WNT6: variants seen among roughly 807,000 people sequenced by gnomAD.
WNT6 encodes Wnt family member 6.
WNT6 carries 27 observed loss-of-function variants against 33.1 expected under a neutral mutation model. That is an observed-to-expected ratio of 0.82 (90% CI 0.60 to 1.12). WNT6 has a LOEUF of 1.12. Among genes scored for constraint, WNT6 ranks in the 50% most tolerant of loss-of-function variants. WNT6 has a pLI of 0.00. For synonymous variants in WNT6, 249 were observed against 242.8 expected (o/e 1.03, Z -0.24); for missense variants, 494 against 535.3 (o/e 0.92, Z 0.76).
At chr2:218,869,087 T>A (rs1441772303) in intron 1 of WNT6, among the ~76,000 whole-genome samples, 1 of 151,788 alleles carries the variant, frequency 6.6e-6, no homozygotes, top group African/African-American at 2.4e-5. Flanking sequence ...TGGGAAAGGG[T>A]GGGGGCCAGT....
chr2:218,861,782 C>T (rs892550354), intron 1 of WNT6, among the ~76,000 whole-genome samples: 10 of 152,176 alleles, frequency 6.6e-5, no homozygotes, highest in African/African-American at 2.4e-4. Context: ...CCATTTCCTC[C>T]CTGAAGCTGC....
At chr2:218,864,551 G>A (rs1019759158) in intron 1 of WNT6, among the ~76,000 whole-genome samples, 5 of 152,180 alleles carry the variant, frequency 3.3e-5, no homozygotes, top group African/African-American at 1.2e-4. Context: ...ACAGGCGTGA[G>A]CCACCGCGCC....
Position 218,860,008 on chromosome 2 carries a change from G to C in WNT6, c.-30G>C, listed in dbSNP as rs1435075339. On this transcript the variant is annotated 5_prime_UTR_variant, in exon 1 of 4. Coordinates refer to ENST00000233948, the MANE Select transcript of WNT6 (RefSeq NM_006522.4). ...GGTTCGCCCCGCAGCCTCGCCCCCT[G>C]CCCACCCGGGCGGCCGTAGGGCGGT... The C allele has an allele frequency of 2.1e-5, 30 of 1,423,846 alleles. No homozygotes were observed. The highest frequency in any genetic ancestry group is 2.7e-5 in the Non-Finnish European group (29 of 1,086,056). 88.2% of individuals were successfully genotyped at this position (1,423,846 alleles called of 1,614,324 possible). A position where few individuals can be genotyped will look rare whatever the true frequency, so the allele number is the denominator to read the frequency against.
rs1944431277 is a variant in WNT6 at position 218,873,936 on chromosome 2, C to G, written c.*91C>G. On this transcript the variant is annotated 3_prime_UTR_variant, in exon 4 of 4. Transcript: ENST00000233948. The surrounding 1 kb of genome is among the most constrained non-coding windows in gnomAD (Gnocchi z 6.1). ...CCGGCACCGGGCGCCTCTCGCCGCT[C>G]GAGCCCAGCCTCTCCCTGCCAAAGC... 4 of 1,272,664 alleles carry G rather than the reference C, an allele frequency of 3.1e-6. No homozygotes were observed. In the African/African-American group the frequency reaches 4.8e-5, roughly 15 times the overall value. The allele number at this position is 1,272,664 out of a possible 1,614,324, so 78.8% of individuals were successfully genotyped here. A position where few individuals can be genotyped will look rare whatever the true frequency, so the allele number is the denominator to read the frequency against.
At chr2:218,869,087 T>C (rs1441772303) in intron 1 of WNT6, among the ~76,000 whole-genome samples, 1 of 151,788 alleles carries the variant, frequency 6.6e-6, no homozygotes, top group Non-Finnish European at 1.5e-5. Context: ...TGGGAAAGGG[T>C]GGGGGCCAGT....
At chr2:218,872,207 G>A (rs548936563) in intron 3 of WNT6, among the ~76,000 whole-genome samples, 1 of 152,150 alleles carries the variant, frequency 6.6e-6, no homozygotes, top group Non-Finnish European at 1.5e-5. Flanking sequence ...AGGGGCAGGA[G>A]AATAAAACAA....
Position 218,871,471 on chromosome 2 carries a change from G to A in WNT6, c.302-14G>A. ...GCCCCAGCCCGCGCTGATTGCACCTGTCTGCATTCACAGACATTCGGGAGA... is the reference window on the plus strand; with the variant it reads ...GCCCCAGCCCGCGCTGATTGCACCTATCTGCATTCACAGACATTCGGGAGA... On this transcript the variant is annotated splice_polypyrimidine_tract_variant and intron_variant, in intron 2 of 3. Coordinates refer to ENST00000233948, the MANE Select transcript of WNT6 (RefSeq NM_006522.4). The surrounding 1 kb of genome is among the most constrained non-coding windows in gnomAD (Gnocchi z 6.4). 6.3e-7 allele frequency: 1 copy of A among 1,596,546 alleles called. No homozygotes were observed. Among genetic ancestry groups the A allele is most frequent in the Non-Finnish European group, 8.5e-7 (1 of 1,178,836 alleles).
At position 218,873,410 on chromosome 2, in the gene WNT6, G is replaced by A. The variant is rs1402298579; in HGVS notation, c.663G>A (p.Glu221=). ...CCGTGCGGAGCCACACGCGCACCGA[G>A]TGCAAATGCCACGGGCTGTCGGGAT... The part of the protein sequence containing the change: ...RLAVRSHTRT[E]CKCHGLSGSC... Residue 221 remains glutamate (E), a synonymous_variant, in exon 4 of 4, where the codon GAG becomes GAA. Transcript: ENST00000233948. This position sits in a 1 kb window ranked among gnomAD's most constrained non-coding sequence, Gnocchi z 6.1. 6 of 1,536,972 alleles carry A rather than the reference G, an allele frequency of 3.9e-6. No individual in the cohort carries two copies. The highest frequency in any genetic ancestry group is 1.4e-5 in the African/African-American group (1 of 72,982).
At chr2:218,864,177 T>C (rs569169879) in intron 1 of WNT6, among the ~76,000 whole-genome samples, 1 of 152,354 alleles carries the variant, frequency 6.6e-6, no homozygotes, top group South Asian at 2.1e-4. Context: ...AATCGGTGGA[T>C]GTAGTAAAGA....
At position 218,860,099 on chromosome 2, in the gene WNT6, A is replaced by G; in HGVS notation, c.62A>G (p.His21Arg). 6.6e-7 allele frequency: 1 copy of G among 1,525,410 alleles called. No individual in the cohort carries two copies. The highest frequency in any genetic ancestry group is 1.2e-5 in the South Asian group (1 of 82,344). The allele number at this position is 1,525,410 out of a possible 1,614,324, so 94.5% of individuals were successfully genotyped here. The change falls in exon 1 of 4, where the codon CAC becomes CGC. Residue 21 changes from histidine to arginine, a missense_variant. Coordinates refer to ENST00000233948, the MANE Select transcript of WNT6 (RefSeq NM_006522.4). ...CTGCTGCTGCTCCTGTGCCCGGCGC[A>G]CGTCGGCGGACTGTGGTGGTGAGTC... Reference protein sequence around the residue: ...LLLLLLLCPAHVGGLWWAVGS... With the variant: ...LLLLLLLCPARVGGLWWAVGS...
chr2:218,868,255 C>T (rs1575224484), intron 1 of WNT6, among the ~76,000 whole-genome samples: 1 of 152,308 alleles, frequency 6.6e-6, no homozygotes, highest in East Asian at 1.9e-4. Flanking sequence ...CCTCCATACT[C>T]CTCGTGATTC....
At chr2:218,872,906 T>A (rs1224468111) in intron 3 of WNT6, among the ~76,000 whole-genome samples, 1 of 152,064 alleles carries the variant, frequency 6.6e-6, no homozygotes, top group Non-Finnish European at 1.5e-5. Context: ...CCCACATACC[T>A]GCCGAGAGGG....
intron 1 of WNT6, among the ~76,000 whole-genome samples, chr2:218,862,376 C>T (rs895117643): frequency 3.3e-5 from 5 of 152,098 alleles, no homozygotes; most frequent in African/African-American, 7.2e-5. Context: ...AGCAGAGTCT[C>T]GTTCTGTCGC....
Position 218,871,209 on chromosome 2 carries a change from C to T in WNT6, c.263C>T (p.Ser88Phe). 1 of 1,613,488 alleles carries T rather than the reference C, an allele frequency of 6.2e-7. No homozygotes were observed. Among genetic ancestry groups the T allele is most frequent in the Non-Finnish European group, 8.5e-7 (1 of 1,179,790 alleles). Reference sequence around the variant, plus strand: ...TTCCGCTTCCGCCGCTGGAATTGCTCCAGCCACAGCAAGGCCTTTGGACGC... The same window carrying T: ...TTCCGCTTCCGCCGCTGGAATTGCTTCAGCCACAGCAAGGCCTTTGGACGC... ...FQFRFRRWNC[S>F]SHSKAFGRIL... The change falls in exon 2 of 4, where the codon TCC becomes TTC. Residue 88 changes from serine (S) to phenylalanine (F), a missense_variant. Ser to Phe is a radical substitution (Grantham distance 155). Transcript: ENST00000233948. The surrounding 1 kb of genome is among the most constrained non-coding windows in gnomAD (Gnocchi z 6.4).
At chr2:218,866,050 GA>G (rs2106003388) in intron 1 of WNT6, among the ~76,000 whole-genome samples, 1 of 145,682 alleles carries the variant, frequency 6.9e-6, no homozygotes, top group Non-Finnish European at 1.5e-5. Context: ...GAGTTAGACA[GA>G]GCAGGACAGG....
Position 218,871,036 on chromosome 2 carries a change from C to A in WNT6, c.90C>A (p.Gly30=), listed in dbSNP as rs745395502. The A allele has an allele frequency of 2.5e-6, 4 of 1,606,896 alleles. No individual in the cohort carries two copies. Among genetic ancestry groups the A allele is most frequent in the Non-Finnish European group, 3.4e-6 (4 of 1,174,886 alleles). The change falls in exon 2 of 4, where the codon GGC becomes GGA. Residue 30 remains glycine, a synonymous_variant. Coordinates refer to ENST00000233948, the MANE Select transcript of WNT6 (RefSeq NM_006522.4). The surrounding 1 kb of genome is among the most constrained non-coding windows in gnomAD (Gnocchi z 6.4). ...ATTCTCTGCTTTCCAGGGCTGTGGG[C>A]AGCCCCTTGGTTATGGACCCTACCA... ...AHVGGLWWAV[G]SPLVMDPTSI...
chr2:218,871,971 A>G lies in WNT6; in HGVS notation c.636+152A>G. 2.5e-6 allele frequency: 2 copies of G among 811,502 alleles called. No individual in the cohort carries two copies. The highest frequency in any genetic ancestry group is 3.4e-5 in the East Asian group (1 of 29,838). 50.3% of individuals were successfully genotyped at this position (811,502 alleles called of 1,614,324 possible). A position where few individuals can be genotyped will look rare whatever the true frequency, so the allele number is the denominator to read the frequency against. On this transcript the variant is annotated intron_variant, in intron 3 of 3. Coordinates refer to ENST00000233948, the MANE Select transcript of WNT6 (RefSeq NM_006522.4). The surrounding 1 kb of genome is among the most constrained non-coding windows in gnomAD (Gnocchi z 6.4). The stretch of plus-strand genomic sequence containing the variant: ...GCGCACGGGCGGAAAGATGGGCTGC[A>G]AGCATGGATGGACATGTGGGAGGAG...
Position 218,871,806 on chromosome 2 carries a change from A to G in WNT6, c.623A>G (p.Glu208Gly). The G allele has an allele frequency of 6.3e-7, 1 of 1,590,130 alleles. No individual in the cohort carries two copies. Among genetic ancestry groups the G allele is most frequent in the Non-Finnish European group, 8.5e-7 (1 of 1,169,946 alleles). The stretch of plus-strand genomic sequence containing the variant: ...GCGTTGGTGCAACTGCACAACAACG[A>G]GGCGGGCAGGCTGGTGCGTACGGGC... ...IRALVQLHNNEAGRLAVRSHT... is the reference protein window; with the variant it reads ...IRALVQLHNNGAGRLAVRSHT... Residue 208 changes from glutamate to glycine, a missense_variant, in exon 3 of 4, where the codon GAG (glutamate) becomes GGG (glycine). Glu to Gly is a moderately conservative substitution (Grantham distance 98, BLOSUM62 -2). Transcript: ENST00000233948. The surrounding 1 kb of genome is among the most constrained non-coding windows in gnomAD (Gnocchi z 6.4).
chr2:218,870,843 T>C (rs1944393438), intron 1 of WNT6, among the ~76,000 whole-genome samples, 184 bp from the exon 2 acceptor site: 1 of 152,238 alleles, frequency 6.6e-6, no homozygotes. Context: ...AGACTCTAGT[T>C]AGAGGGGACA....
Sources: gnomAD v4.1 joint callset for allele counts (sites outside exome capture counted in the v4.1 genomes callset) on GRCh38, gnomAD v4.1.1 for gene constraint, Gnocchi (gnomAD v3.1) non-coding constraint, MANE v1.5 for transcripts, NCBI Gene and HGNC (gene_info 2026-07-23, HGNC 2026-07-21) for gene names.